The following PLXDC1 variants were observed in gnomAD, a reference collection of about 807,000 sequenced individuals.
The protein encoded by PLXDC1 is plexin domain containing 1.
A neutral mutation model predicts 61.3 loss-of-function variants in PLXDC1; 39 were observed. That is an observed-to-expected ratio of 0.64 (90% CI 0.49 to 0.83). The LOEUF is 0.83. PLXDC1 is among the 40% of genes least tolerant of loss of function. The pLI, the probability that PLXDC1 is intolerant of heterozygous loss-of-function variation, is 0.00. For synonymous variants in PLXDC1, 212 were observed against 254.5 expected (o/e 0.83, Z 1.59); for missense variants, 596 against 666.5 (o/e 0.89, Z 1.17).
In PLXDC1 at chr17:39,067,876, A is replaced by G. The variant is rs768356081; in HGVS notation, c.1467T>C (p.His489=). 3 of 1,613,862 alleles carry G rather than the reference A, an allele frequency of 1.9e-6. No homozygotes were observed. Among genetic ancestry groups the G allele is most frequent in the East Asian group, 4.5e-5 (2 of 44,880 alleles). ...CAGCCTCCATGAAGCCCTCCTTCTC[A>G]TGGCCCGAGGGCTCCACCTCCGCAT... ...STYAEVEPSG[H]EKEGFMEAEQ... is the part of the protein sequence containing the mutation. Residue 489 remains histidine (H), a synonymous_variant, in exon 14 of 14, where the codon CAT becomes CAC. Coordinates refer to ENST00000315392, the MANE Select transcript of PLXDC1 (RefSeq NM_020405.5).
At chr17:39,116,788 C>T (rs1447172352) in intron 2 of PLXDC1, among the ~76,000 whole-genome samples, 1 of 152,216 alleles carries the variant, frequency 6.6e-6, no homozygotes, top group East Asian at 1.9e-4. Context: ...AGGACATTGT[C>T]CTAAGTGTGA....
Position 39,072,495 on chromosome 17 carries a change from G to C in PLXDC1, c.1187-10C>G, listed in dbSNP as rs774067540. ...TTCAACTTGGTGTCATCTTCAAAGA[G>C]AGAAGACAGAAGGAGCAAGATTAGT... is the stretch of plus-strand genomic sequence containing the variant. On this transcript the variant is annotated splice_polypyrimidine_tract_variant and intron_variant, in intron 11 of 13. Coordinates refer to ENST00000315392, the MANE Select transcript of PLXDC1 (RefSeq NM_020405.5). The C allele has an allele frequency of 2.0e-6, 3 of 1,515,534 alleles. No individual in the cohort carries two copies. The highest frequency in any genetic ancestry group is 3.4e-4 in the Middle Eastern group (2 of 5,898). The allele number at this position is 1,515,534 out of a possible 1,614,324, so 93.9% of individuals were successfully genotyped here.
Position 39,117,891 on chromosome 17 carries a change from G to C in PLXDC1, c.256-8500C>G, listed in dbSNP as rs573116018. On this transcript the variant is annotated intron_variant, in intron 2 of 13. Transcript: ENST00000315392. Reference sequence around the variant, plus strand: ...AGGCCTTGTGGAATGAAAAAGAAGAGACTTCAGCTGGGGCAGGGCTGCTCC... The same window carrying C: ...AGGCCTTGTGGAATGAAAAAGAAGACACTTCAGCTGGGGCAGGGCTGCTCC... 2.0e-5 allele frequency among the ~76,000 whole-genome samples: 3 copies of C among 152,284 alleles called. No individual in the cohort carries two copies. The East Asian group carries it at 5.8e-4, about 29-fold the overall frequency.
Position 39,083,469 on chromosome 17 carries a change from C to G in PLXDC1, c.979G>C (p.Val327Leu). 6.2e-7 allele frequency: 1 copy of G among 1,613,710 alleles called. No individual in the cohort carries two copies. Among genetic ancestry groups the G allele is most frequent in the Non-Finnish European group, 8.5e-7 (1 of 1,179,724 alleles). ...DLTFNCSWCH[V>L]LQRCSSGFDR... ...ACCCTGGGCACAAACCTCTGGAGGA[C>G]ATGGCACCAGCTGCAGTTGAAGGTC... The change falls in exon 9 of 14, where the codon GTC becomes CTC. Residue 327 changes from valine (V) to leucine (L), a missense_variant. Coordinates refer to ENST00000315392, the MANE Select transcript of PLXDC1 (RefSeq NM_020405.5).
chr17:39,091,334 T>C (rs932762729), intron 7 of PLXDC1, among the ~76,000 whole-genome samples: 20 of 152,028 alleles, frequency 1.3e-4, no homozygotes, highest in Non-Finnish European at 2.5e-4. Context: ...CTGACTCCCA[T>C]GGGGAGAGGC....
At chr17:39,107,967 T>G (rs1428253336) in intron 5 of PLXDC1, 156 bp downstream of exon 5, 1 of 850,556 alleles carries the variant, frequency 1.2e-6, no homozygotes, top group African/African-American at 1.7e-5. Context: ...TTTTTGCCCC[T>G]ATCTGACAGG....
intron 2 of PLXDC1, among the ~76,000 whole-genome samples, chr17:39,128,730 G>A (rs1379008758): frequency 2.6e-5 from 4 of 151,988 alleles, no homozygotes; most frequent in African/African-American, 4.8e-5. Context: ...ACAGATACTC[G>A]CCGGGTGCAG....
At chr17:39,105,470 G>C (rs1910559785) in intron 7 of PLXDC1, among the ~76,000 whole-genome samples, 1 of 152,146 alleles carries the variant, frequency 6.6e-6, no homozygotes, top group African/African-American at 2.4e-5. Flanking sequence ...CTGGATTCCT[G>C]TCTCCTGGCA....
chr17:39,148,174 G>A (rs1438076925), intron 1 of PLXDC1, among the ~76,000 whole-genome samples: 1 of 152,068 alleles, frequency 6.6e-6, no homozygotes, highest in Non-Finnish European at 1.5e-5. Flanking sequence ...GTCTCAGGTT[G>A]TTGGAGCCCT....
chr17:39,101,072 G>C (rs908281281), intron 7 of PLXDC1, among the ~76,000 whole-genome samples: 6 of 152,204 alleles, frequency 3.9e-5, no homozygotes, highest in Admixed American at 2.0e-4. Context: ...ATGGAGCAAG[G>C]GAAGCCACAC....
chr17:39,127,670 A>G (rs1190963617), intron 2 of PLXDC1, among the ~76,000 whole-genome samples: 4 of 152,084 alleles, frequency 2.6e-5, no homozygotes, highest in Non-Finnish European at 4.4e-5. Flanking sequence ...AAGATGCTCA[A>G]TAAGGCCGGG....
intron 2 of PLXDC1, among the ~76,000 whole-genome samples, chr17:39,115,061 CAA>C (rs1219163292): frequency 2.0e-5 from 3 of 152,228 alleles, no homozygotes; most frequent in African/African-American, 7.2e-5. Context: ...TGCTTCACAG[CAA>C]AGACAAGCAG....
chr17:39,140,238 G>A (rs1278872670), intron 1 of PLXDC1, among the ~76,000 whole-genome samples: 1 of 152,164 alleles, frequency 6.6e-6, no homozygotes, highest in Non-Finnish European at 1.5e-5. Context: ...AAAAGTTCCT[G>A]ATGTCTGGGT....
intron 12 of PLXDC1, 192 bp downstream of exon 12, chr17:39,072,238 AATGTCTAGGGTAGACATGTT>A (rs1909147140): frequency 1.7e-6 from 1 of 586,554 alleles, no homozygotes; most frequent in Non-Finnish European, 3.1e-6. Flanking sequence ...TGAGATGAGA[AATGTCTAGGGTAGACATGTT>A]CCTTCGATCT....
chr17:39,122,954 G>C (rs971048242), intron 2 of PLXDC1, among the ~76,000 whole-genome samples: 1 of 152,182 alleles, frequency 6.6e-6, no homozygotes, highest in Non-Finnish European at 1.5e-5. Flanking sequence ...TTGGAGCCTA[G>C]CTTGCTGTGC....
At position 39,151,213 on chromosome 17, in the gene PLXDC1, C is replaced by T. The variant is rs1351881289; in HGVS notation, c.76+149G>A. The T allele has an allele frequency of 3.8e-6, 2 of 530,690 alleles. No individual in the cohort carries two copies. Among genetic ancestry groups the T allele is most frequent in the Non-Finnish European group, 5.8e-6 (2 of 347,240 alleles). The allele number at this position is 530,690 out of a possible 1,614,324, so 32.9% of individuals were successfully genotyped here. On this transcript the variant is annotated intron_variant, in intron 1 of 13. Coordinates refer to ENST00000315392, the MANE Select transcript of PLXDC1 (RefSeq NM_020405.5). The surrounding 1 kb of genome is among the most constrained non-coding windows in gnomAD (Gnocchi z 5.2). Reference sequence around the variant, plus strand: ...TTGGGAAAGTGGGGTCCCTATCCACCTGCCCACAGCCCACAGCTCTCCTGG... The same window carrying T: ...TTGGGAAAGTGGGGTCCCTATCCACTTGCCCACAGCCCACAGCTCTCCTGG...
chr17:39,136,324 GAATCAA>G (rs1911751445), intron 2 of PLXDC1, among the ~76,000 whole-genome samples: 1 of 152,036 alleles, frequency 6.6e-6, no homozygotes, highest in Non-Finnish European at 1.5e-5. Flanking sequence ...CAAAACTCAG[GAATCAA>G]GATAGAGAAT....
intron 2 of PLXDC1, among the ~76,000 whole-genome samples, chr17:39,138,680 G>A (rs1350400297): frequency 6.6e-6 from 1 of 152,036 alleles, no homozygotes; most frequent in Admixed American, 6.5e-5. Flanking sequence ...GAGAGGAGGG[G>A]CAGGACTGCT....
intron 2 of PLXDC1, among the ~76,000 whole-genome samples, chr17:39,133,303 A>G (rs1288032740): frequency 1.3e-5 from 2 of 152,100 alleles, no homozygotes; most frequent in Non-Finnish European, 2.9e-5. Flanking sequence ...GAGTTTGGGT[A>G]TGGAGCCACC....
Sources: allele counts gnomAD v4.1 joint callset (sites outside exome capture counted in the v4.1 genomes callset), GRCh38; gene constraint gnomAD v4.1.1; non-coding constraint Gnocchi (gnomAD v3.1); transcripts MANE v1.5; gene names NCBI Gene and HGNC (gene_info 2026-07-23, HGNC 2026-07-21).